CERK: variants seen among roughly 807,000 people sequenced by gnomAD.
The protein encoded by CERK is ceramide kinase, also known as acylsphingosine kinase.
CERK carries 39 observed loss-of-function variants against 63.4 expected under a neutral mutation model. That is an observed-to-expected ratio of 0.61 (90% confidence interval 0.48 to 0.80). CERK has a LOEUF of 0.80. Among genes scored for constraint, CERK ranks in the 30% least tolerant of loss-of-function variants. The pLI is 0.00. For synonymous variants in CERK, 302 were observed against 280.0 expected (o/e 1.08, Z -0.78); for missense variants, 670 against 714.1 (o/e 0.94, Z 0.70).
At chr22:46,697,147 C>T (rs1029789855) in intron 8 of CERK, among the ~76,000 whole-genome samples, 1 of 152,186 alleles carries the variant, frequency 6.6e-6, no homozygotes. Flanking sequence ...TGCCAAATCA[C>T]TATTTCTTTC....
Position 46,737,463 on chromosome 22 carries a change from G to A in CERK, c.142+544C>T, listed in dbSNP as rs541210054. Among the ~76,000 whole-genome samples the A allele has an allele frequency of 2.0e-5, 3 of 152,294 alleles. No homozygotes were observed. In the South Asian group the frequency reaches 6.2e-4, roughly 32 times the overall value. ...GGGGCAAGTAGCCAACCCGTGGCAC[G>A]GAAACCAATTCCCCCATCCCGAGCA... On this transcript the variant is annotated intron_variant, in intron 1 of 12. Transcript: ENST00000216264.
intron 6 of CERK, among the ~76,000 whole-genome samples, chr22:46,703,865 C>A (rs2082800129): frequency 6.6e-6 from 1 of 151,410 alleles, no homozygotes; most frequent in South Asian, 2.1e-4. Flanking sequence ...CCTCCACCCC[C>A]ACCCCCAGCC....
intron 3 of CERK, among the ~76,000 whole-genome samples, chr22:46,717,380 A>C (rs1380565172): frequency 6.6e-6 from 1 of 152,246 alleles, no homozygotes; most frequent in Non-Finnish European, 1.5e-5. Context: ...TGTCCAAATG[A>C]CCAGCCACTG....
intron 8 of CERK, among the ~76,000 whole-genome samples, chr22:46,696,844 G>T (rs969160243): frequency 1.3e-5 from 2 of 152,210 alleles, no homozygotes; most frequent in Non-Finnish European, 2.9e-5. Context: ...GGGCAAAGGG[G>T]GGGGCCAGGC....
chr22:46,708,014 G>A, intron 5 of CERK, 26 bp from the exon 6 acceptor site: 1 of 1,580,412 alleles, frequency 6.3e-7, no homozygotes, highest in South Asian at 1.1e-5. Flanking sequence ...AGCCGGTCAG[G>A]GCTCCTGCAG....
At chr22:46,712,543 G>A (rs967189613) in intron 3 of CERK, among the ~76,000 whole-genome samples, 1 of 152,126 alleles carries the variant, frequency 6.6e-6, no homozygotes, top group African/African-American at 2.4e-5. Flanking sequence ...CACGAACTCA[G>A]AATTCCGACT....
intron 11 of CERK, among the ~76,000 whole-genome samples, 178 bp from the exon 12 acceptor site, chr22:46,690,378 G>A (rs974432666): frequency 1.3e-5 from 2 of 151,950 alleles, no homozygotes; most frequent in African/African-American, 4.8e-5. Flanking sequence ...TGAACTGACA[G>A]CTCAGAGATG....
chr22:46,725,188 G>A (rs1306088199), intron 1 of CERK, among the ~76,000 whole-genome samples: 1 of 152,128 alleles, frequency 6.6e-6, no homozygotes, highest in Non-Finnish European at 1.5e-5. Flanking sequence ...TCCTCACCTC[G>A]GTGTGTCATC....
intron 1 of CERK, among the ~76,000 whole-genome samples, chr22:46,722,779 C>T (rs1243511616): frequency 2.0e-5 from 3 of 152,078 alleles, no homozygotes; most frequent in South Asian, 2.1e-4. Context: ...GGCTGCAGGC[C>T]GTGCCGTGCC....
chr22:46,721,153 C>T (rs2082890416), intron 1 of CERK, 138 bp from the exon 2 acceptor site: 1 of 627,842 alleles, frequency 1.6e-6, no homozygotes, highest in East Asian at 2.8e-5. Context: ...TGGTGTGCAC[C>T]TGTAATCCCA....
intron 5 of CERK, among the ~76,000 whole-genome samples, chr22:46,710,676 G>T (rs1266314744): frequency 6.6e-6 from 1 of 152,098 alleles, no homozygotes; most frequent in African/African-American, 2.4e-5. Context: ...CCACATAATG[G>T]ACCATGATAT....
chr22:46,698,276 T>C (rs1194434171), intron 8 of CERK, among the ~76,000 whole-genome samples: 1 of 152,212 alleles, frequency 6.6e-6, no homozygotes, highest in Admixed American at 6.5e-5. Flanking sequence ...GGCGTGGCAT[T>C]CGCTCCCACT....
intron 12 of CERK, among the ~76,000 whole-genome samples, chr22:46,687,651 G>A (rs534955655): frequency 6.6e-5 from 10 of 152,170 alleles, no homozygotes; most frequent in African/African-American, 1.7e-4. Context: ...TGTGCGGGGC[G>A]ACTCAATGCG....
At chr22:46,731,819 G>A (rs181437860) in intron 1 of CERK, among the ~76,000 whole-genome samples, 2 of 152,316 alleles carry the variant, frequency 1.3e-5, no homozygotes, top group Admixed American at 1.3e-4. Context: ...GAAGAACTTT[G>A]TAGCAGGGCA....
At chr22:46,715,214 C>A (rs1303653940) in intron 3 of CERK, among the ~76,000 whole-genome samples, 1 of 152,166 alleles carries the variant, frequency 6.6e-6, no homozygotes, top group African/African-American at 2.4e-5. Flanking sequence ...GACAAGGATG[C>A]TGCTAGCACC....
At position 46,691,669 on chromosome 22, in the gene CERK, TGGGCAGCCGGGGAGAG is replaced by T; in HGVS notation, c.1219_1234del (p.Leu407ThrfsTer21). 6.2e-7 allele frequency: 1 copy of T among 1,613,984 alleles called. No homozygotes were observed. Among genetic ancestry groups the T allele is most frequent in the South Asian group, 1.1e-5 (1 of 91,080 alleles). On this transcript the variant is annotated frameshift_variant, in exon 11 of 13. Transcript: ENST00000216264. LOFTEE classifies it high-confidence loss of function. ...GAGGTCAGAAGACCCGTCTCCCAAG[TGGGCAGCCGGGGAGAG>T]GCCCCTGGGGCTCCGGCGACAAGCA...
At chr22:46,693,279 G>T in intron 10 of CERK, 148 bp downstream of exon 10, 1 of 648,642 alleles carries the variant, frequency 1.5e-6, no homozygotes, top group East Asian at 2.8e-5. Context: ...ACGCTGCCTG[G>T]GGCTAAGAAG....
intron 1 of CERK, among the ~76,000 whole-genome samples, chr22:46,731,060 A>G (rs1004217305): frequency 8.5e-5 from 13 of 152,184 alleles, no homozygotes; most frequent in Admixed American, 7.2e-4. Flanking sequence ...GCACCCCACA[A>G]CCTCTGCCAG....
intron 11 of CERK, 59 bp downstream of exon 11, chr22:46,691,513 G>C (rs772692094): frequency 1.2e-5 from 17 of 1,384,000 alleles, no homozygotes; most frequent in Non-Finnish European, 1.7e-5. Flanking sequence ...ATAAACCAGG[G>C]ACTGCTGGAA....
Sources: allele counts gnomAD v4.1 joint callset (sites outside exome capture counted in the v4.1 genomes callset), GRCh38; gene constraint gnomAD v4.1.1; transcripts MANE v1.5; gene names NCBI Gene and HGNC (gene_info 2026-07-23, HGNC 2026-07-21).